Variants in FHIT observed in about 807,000 individuals in gnomAD.
FHIT encodes fragile histidine triad diadenosine triphosphatase.
Under a neutral mutation model 17.9 loss-of-function variants are expected in FHIT, and 19 were observed. The observed-to-expected ratio is 1.06, with a 90% CI of 0.74 to 1.56. The LOEUF is 1.56. FHIT is among the 40% of genes most tolerant of loss of function. The probability of loss-of-function intolerance (pLI) is 0.00; values close to 1 mark genes in which losing one functional copy is unlikely to be tolerated. For synonymous variants in FHIT, 81 were observed against 69.7 expected, an observed-to-expected ratio of 1.16 and a Z score of -0.81; for missense variants, 248 against 189.2, an observed-to-expected ratio of 1.31 and a Z score of -1.82.
At chr3:60,862,952 C>T (rs1703986821) in intron 3 of FHIT, among the ~76,000 whole-genome samples, 1 of 151,880 alleles carries the variant, frequency 6.6e-6, no homozygotes, top group Non-Finnish European at 1.5e-5. Context: ...GGTTACTAGT[C>T]AACCGACTTT....
At chr3:60,539,925 GAACTTA>G (rs931118761) in intron 4 of FHIT, among the ~76,000 whole-genome samples, 2 of 150,332 alleles carry the variant, frequency 1.3e-5, no homozygotes, top group African/African-American at 2.4e-5. Flanking sequence ...ATGTACCCTA[GAACTTA>G]AAGTATAATA....
At chr3:60,749,753 G>A (rs782086471) in intron 4 of FHIT, among the ~76,000 whole-genome samples, 1 of 152,156 alleles carries the variant, frequency 6.6e-6, no homozygotes, top group Non-Finnish European at 1.5e-5. Flanking sequence ...ATGCAACTTG[G>A]GAGTCATTTG....
chr3:60,346,570 C>T (rs6771886), intron 5 of FHIT, among the ~76,000 whole-genome samples: 70,222 of 151,954 alleles, frequency 0.46, 16,796 homozygotes, highest in South Asian at 0.6. Context: ...GAATCCCCCA[C>T]GCTTTGCTGA....
At chr3:60,593,151 T>C (rs1287786895) in intron 4 of FHIT, among the ~76,000 whole-genome samples, 1 of 152,152 alleles carries the variant, frequency 6.6e-6, no homozygotes, top group Non-Finnish European at 1.5e-5. Flanking sequence ...AGAACATACA[T>C]TCTGAGTATG....
At chr3:59,958,620 G>A (rs552770851) in intron 7 of FHIT, among the ~76,000 whole-genome samples, 2 of 152,206 alleles carry the variant, frequency 1.3e-5, no homozygotes, top group Non-Finnish European at 2.9e-5. Flanking sequence ...CTAGAGGGTT[G>A]TATTAAGAAG....
chr3:59,865,815 G>A (rs902872251), intron 8 of FHIT, among the ~76,000 whole-genome samples: 4 of 152,152 alleles, frequency 2.6e-5, no homozygotes, highest in African/African-American at 9.7e-5. Context: ...CTAGGGCTAC[G>A]GTGTTCAAAT....
At chr3:60,040,690 G>C (rs78345823) in intron 5 of FHIT, among the ~76,000 whole-genome samples, 5,498 of 152,222 alleles carry the variant, frequency 0.036, 277 homozygotes, top group African/African-American at 0.11. Context: ...AGGACTAGGG[G>C]AGAGGAAGCG....
At chr3:60,468,638 T>C (rs1347257773) in intron 5 of FHIT, among the ~76,000 whole-genome samples, 1 of 152,144 alleles carries the variant, frequency 6.6e-6, no homozygotes, top group Non-Finnish European at 1.5e-5. Context: ...ATACTATCTA[T>C]GTCTTGAAAA....
chr3:60,660,559 T>C (rs2040216393), intron 4 of FHIT, among the ~76,000 whole-genome samples: 1 of 152,052 alleles, frequency 6.6e-6, no homozygotes, highest in African/African-American at 2.4e-5. Context: ...AGTTGTTCTC[T>C]AGGTGAGGAG....
chr3:60,992,758 G>T (rs2030346971), intron 3 of FHIT, among the ~76,000 whole-genome samples: 1 of 152,140 alleles, frequency 6.6e-6, no homozygotes, highest in Non-Finnish European at 1.5e-5. Flanking sequence ...AGTTCGAGGG[G>T]GCAGGATCAC....
intron 5 of FHIT, among the ~76,000 whole-genome samples, chr3:60,506,260 G>T (rs2034724561): frequency 6.6e-6 from 1 of 152,290 alleles, no homozygotes; most frequent in African/African-American, 2.4e-5. Flanking sequence ...TACTTTGAGG[G>T]TGGAGGGTAG....
At chr3:60,484,677 G>C (rs1258947352) in intron 5 of FHIT, among the ~76,000 whole-genome samples, 1 of 151,802 alleles carries the variant, frequency 6.6e-6, no homozygotes, top group Non-Finnish European at 1.5e-5. Flanking sequence ...ACTCAAGATG[G>C]ATTAAAGACT....
At chr3:61,101,228 A>C (rs571259882) in intron 2 of FHIT, among the ~76,000 whole-genome samples, 6 of 152,226 alleles carry the variant, frequency 3.9e-5, no homozygotes, top group African/African-American at 1.4e-4. Context: ...ATCTTGAATT[A>C]ATTTTTGTAT....
chr3:59,844,218 A>G (rs1317661388), intron 8 of FHIT, among the ~76,000 whole-genome samples: 1 of 152,134 alleles, frequency 6.6e-6, no homozygotes, highest in African/African-American at 2.4e-5. Context: ...ATAGCAATGG[A>G]AGAATAGCCT....
chr3:61,235,701 CA>C (rs199864714), intron 1 of FHIT, among the ~76,000 whole-genome samples: 8 of 145,356 alleles, frequency 5.5e-5, no homozygotes, highest in African/African-American at 5.1e-5. Flanking sequence ...GACTCTGTCT[CA>C]AAAAAAAAAG....
chr3:59,815,002 C>CTGAT (rs1335588039), intron 8 of FHIT, among the ~76,000 whole-genome samples: 2 of 152,184 alleles, frequency 1.3e-5, no homozygotes, highest in African/African-American at 4.8e-5. Flanking sequence ...ATGGGTGATA[C>CTGAT]TGATTGTACA....
intron 3 of FHIT, among the ~76,000 whole-genome samples, chr3:60,890,556 C>A (rs1575650310): frequency 6.6e-6 from 1 of 152,176 alleles, no homozygotes; most frequent in South Asian, 2.1e-4. Flanking sequence ...AAACTGATAA[C>A]CTGAAAATTC....
At chr3:60,034,933 T>C (rs1701151625) in intron 5 of FHIT, among the ~76,000 whole-genome samples, 1 of 152,242 alleles carries the variant, frequency 6.6e-6, no homozygotes, top group African/African-American at 2.4e-5. Context: ...CAATCTCTGA[T>C]TCGGTTCTAA....
At chr3:61,208,817 T>C (rs2039347595) in intron 1 of FHIT, among the ~76,000 whole-genome samples, 1 of 152,080 alleles carries the variant, frequency 6.6e-6, no homozygotes, top group African/African-American at 2.4e-5. Flanking sequence ...TCCATTTACA[T>C]TTAAGGTTAA....
Sources: gnomAD v4.1 joint callset for allele counts (sites outside exome capture counted in the v4.1 genomes callset) on GRCh38, gnomAD v4.1.1 for gene constraint, MANE v1.5 for transcripts, NCBI Gene and HGNC (gene_info 2026-07-23, HGNC 2026-07-21) for gene names.